Variants in MCF2L2 observed in about 807,000 individuals in gnomAD.
MCF2L2 encodes the protein MCF.2 cell line derived transforming sequence-like 2.
In MCF2L2, 102 loss-of-function variants were observed where a neutral mutation model predicts 150.2. The observed-to-expected ratio is 0.68, with a 90% CI of 0.58 to 0.80. The LOEUF (loss-of-function observed/expected upper bound fraction) is 0.80. MCF2L2 is among the 30% of genes least tolerant of loss of function. MCF2L2 has a pLI of 0.00. For missense variants in MCF2L2, 1,256 were observed against 1,372.8 expected (o/e 0.91, Z 1.34); for synonymous variants, 465 against 491.3 (o/e 0.95, Z 0.71).
intron 1 of MCF2L2, among the ~76,000 whole-genome samples, chr3:183,392,696 A>G (rs1338227138): frequency 1.3e-5 from 2 of 152,154 alleles, no homozygotes; most frequent in African/African-American, 2.4e-5. Context: ...CTGACTCGGC[A>G]TGGAGATGAC....
chr3:183,179,631 AG>A lies in MCF2L2; in HGVS notation c.3166del (p.Leu1056TrpfsTer130), dbSNP rs762736278. The A allele has an allele frequency of 6.2e-7, 1 of 1,614,092 alleles. No homozygotes were observed. The highest frequency in any genetic ancestry group is 2.2e-5 in the East Asian group (1 of 44,882). On this transcript the variant is annotated frameshift_variant, in exon 29 of 30. Coordinates refer to ENST00000328913, the MANE Select transcript of MCF2L2 (RefSeq NM_015078.4). LOFTEE classifies it high-confidence loss of function. The surrounding 1 kb of genome is among the most constrained non-coding windows in gnomAD (Gnocchi z 4.2). ...HETCSSKSAF[L>X]ERGESSQGEK... ...TCCCTGGCTGCTTTCTCCCCTCTCCAGGAAAGCAGATTTGGAGGAACAGGTT... is the reference window on the plus strand; with the variant it reads ...TCCCTGGCTGCTTTCTCCCCTCTCCAGAAAGCAGATTTGGAGGAACAGGTT...
chr3:183,191,600 A>C lies in MCF2L2; in HGVS notation c.3016+1399T>G, dbSNP rs114117723. Among the ~76,000 whole-genome samples, 921 of 152,274 alleles carry C rather than the reference A, an allele frequency of 6.0e-3. 12 individuals are homozygous for C. Among genetic ancestry groups the C allele is most frequent in the African/African-American group, 0.021 (884 of 41,566 alleles). ...TTAGTGCTGCTGCCGTAACTTTGGC[A>C]GTTTGAGATGCGACAGCAAAATGAG... On this transcript the variant is annotated intron_variant, in intron 27 of 29. Transcript: ENST00000328913.
chr3:183,347,626 A>C (rs779851362), intron 3 of MCF2L2, among the ~76,000 whole-genome samples: 7 of 152,224 alleles, frequency 4.6e-5, no homozygotes, highest in Non-Finnish European at 1.0e-4. Context: ...CAACCCACAG[A>C]ATGGTAGAAC....
In MCF2L2 at chr3:183,190,852, G is replaced by A. The variant is rs1468982440; in HGVS notation, c.3016+2147C>T. 2.6e-5 allele frequency among the ~76,000 whole-genome samples: 4 copies of A among 152,306 alleles called. No individual in the cohort carries two copies. The East Asian group carries it at 7.7e-4, about 29-fold the overall frequency. ...TACTCTCTACTGTAATACTGTATAT[G>A]TGGTTTATTTTAAAAACTTTTTTAG... On this transcript the variant is annotated intron_variant, in intron 27 of 29. Transcript: ENST00000328913.
At chr3:183,412,705 ATTTTT>A (rs937825482) in intron 1 of MCF2L2, among the ~76,000 whole-genome samples, 1 of 151,724 alleles carries the variant, frequency 6.6e-6, no homozygotes, top group Admixed American at 6.6e-5. Context: ...GATGCCTTTT[ATTTTT>A]TTTATTTTTA....
intron 6 of MCF2L2, among the ~76,000 whole-genome samples, chr3:183,321,791 C>T (rs182151921): frequency 1.2e-3 from 188 of 152,338 alleles, no homozygotes; most frequent in Non-Finnish European, 1.8e-3. Flanking sequence ...ACATACACAA[C>T]CACAAACCAT....
In MCF2L2 at chr3:183,294,775, C is replaced by A. The variant is rs533644725; in HGVS notation, c.1675+525G>T. The stretch of plus-strand genomic sequence containing the variant: ...TCCCGAGTAGCTGGGACTACAGGTG[C>A]CCACCACCACGCCTGGCTAATTTTT... On this transcript the variant is annotated intron_variant, in intron 13 of 29. Coordinates refer to ENST00000328913, the MANE Select transcript of MCF2L2 (RefSeq NM_015078.4). Among the ~76,000 whole-genome samples the A allele has an allele frequency of 1.8e-3, 267 of 151,576 alleles. 2 individuals are homozygous for A. The highest frequency in any genetic ancestry group is 6.2e-3 in the African/African-American group (254 of 41,206).
intron 3 of MCF2L2, among the ~76,000 whole-genome samples, chr3:183,353,560 C>G (rs536577254): frequency 4.1e-4 from 62 of 152,120 alleles, no homozygotes; most frequent in African/African-American, 1.4e-3. Context: ...GAAGGCAAAG[C>G]GGGGCAGGCA....
At chr3:183,231,184 G>A in intron 15 of MCF2L2, 167 bp from the exon 16 acceptor site, 1 of 690,338 alleles carries the variant, frequency 1.4e-6, no homozygotes. Flanking sequence ...CCCAAGGTCA[G>A]CATCTCACAA....
chr3:183,282,193 A>T (rs1281296062), intron 14 of MCF2L2, among the ~76,000 whole-genome samples: 1 of 151,254 alleles, frequency 6.6e-6, no homozygotes, highest in Non-Finnish European at 1.5e-5. Flanking sequence ...ATTTTATTTT[A>T]TTTGAGACAG....
intron 1 of MCF2L2, among the ~76,000 whole-genome samples, chr3:183,404,874 G>GA (rs548202046): frequency 1.2e-4 from 18 of 147,570 alleles, no homozygotes; most frequent in East Asian, 5.9e-4. Flanking sequence ...AAAACAGAAA[G>GA]AAAAAAAAAA....
chr3:183,370,405 G>A (rs1023084925), intron 3 of MCF2L2, among the ~76,000 whole-genome samples: 19 of 152,258 alleles, frequency 1.2e-4, no homozygotes, highest in African/African-American at 4.6e-4. Context: ...CTTGCCAAGT[G>A]ACCAAGAAGA....
At chr3:183,325,207 T>C (rs1228611912) in intron 5 of MCF2L2, among the ~76,000 whole-genome samples, 2 of 151,632 alleles carry the variant, frequency 1.3e-5, no homozygotes, top group African/African-American at 2.4e-5. Flanking sequence ...GCATGGCACA[T>C]GTATACATAT....
intron 3 of MCF2L2, among the ~76,000 whole-genome samples, chr3:183,359,276 G>A (rs190185210): frequency 1.9e-4 from 29 of 152,326 alleles, no homozygotes; most frequent in African/African-American, 6.7e-4. Context: ...AAAAGCTCGT[G>A]TGCTCACTGC....
intron 27 of MCF2L2, among the ~76,000 whole-genome samples, chr3:183,180,699 G>A (rs1721489951): frequency 6.6e-6 from 1 of 152,178 alleles, no homozygotes; most frequent in African/African-American, 2.4e-5. Flanking sequence ...TCCCTGGGGC[G>A]GTGTTGGACA....
At chr3:183,397,235 C>T (rs555567012) in intron 1 of MCF2L2, among the ~76,000 whole-genome samples, 45 of 152,296 alleles carry the variant, frequency 3.0e-4, no homozygotes, top group African/African-American at 9.6e-4. Flanking sequence ...ATTTATTTCT[C>T]ATGGTTCTGG....
rs1721414613 is a variant in MCF2L2 at position 183,179,065 on chromosome 3, G to C, written c.*315C>G. 3.3e-6 allele frequency: 1 copy of C among 299,932 alleles called. No homozygotes were observed. The highest frequency in any genetic ancestry group is 6.1e-6 in the Non-Finnish European group (1 of 163,950). The allele number at this position is 299,932 out of a possible 1,614,324, so 18.6% of individuals were successfully genotyped here. A position where few individuals can be genotyped will look rare whatever the true frequency, so the allele number is the denominator to read the frequency against. On this transcript the variant is annotated 3_prime_UTR_variant, in exon 30 of 30. Coordinates refer to ENST00000328913, the MANE Select transcript of MCF2L2 (RefSeq NM_015078.4). This position sits in a 1 kb window ranked among gnomAD's most constrained non-coding sequence, Gnocchi z 4.2. ...GGTGCTACTAAACATCCTACCGTGG[G>C]AGCACAGAGAAGCCCACGCAGCAAA...
At chr3:183,289,659 CA>C in intron 13 of MCF2L2, among the ~76,000 whole-genome samples, 1 of 152,252 alleles carries the variant, frequency 6.6e-6, no homozygotes, top group Admixed American at 6.5e-5. Context: ...AGTTCGAGAC[CA>C]GCCCGGCCAA....
chr3:183,238,995 CAAAAAAAAAA>C lies in MCF2L2; in HGVS notation c.1863-7988_1863-7979del, dbSNP rs60736939. Among the ~76,000 whole-genome samples the C allele has an allele frequency of 1.0e-3, 91 of 88,870 alleles. 1 individual carries two copies. Among genetic ancestry groups the C allele is most frequent in the East Asian group, 2.4e-3 (7 of 2,954 alleles). The allele number at this position is 88,870 out of a possible 152,430, so 58.3% of individuals were successfully genotyped here. Reference sequence around the variant, plus strand: ...CTGGGCAACAGAGCGATATCCGTCTCAAAAAAAAAAAAAAAAAAAAAAAGACTCTCAAGGA... The same window carrying C: ...CTGGGCAACAGAGCGATATCCGTCTCAAAAAAAAAAAAAGACTCTCAAGGA... On this transcript the variant is annotated intron_variant, in intron 15 of 29. Coordinates refer to ENST00000328913, the MANE Select transcript of MCF2L2 (RefSeq NM_015078.4).
Sources: gnomAD v4.1 joint callset for allele counts (sites outside exome capture counted in the v4.1 genomes callset) on GRCh38, gnomAD v4.1.1 for gene constraint, Gnocchi (gnomAD v3.1) non-coding constraint, MANE v1.5 for transcripts, NCBI Gene and HGNC (gene_info 2026-07-23, HGNC 2026-07-21) for gene names.